The following ANGPT2 variants were observed in gnomAD, a reference collection of about 807,000 sequenced individuals.
ANGPT2 encodes angiopoietin-2.
Under a neutral mutation model 62.9 loss-of-function variants are expected in ANGPT2, and 28 were observed. That is an observed-to-expected ratio of 0.44 (90% confidence interval 0.33 to 0.61). The LOEUF (loss-of-function observed/expected upper bound fraction) is 0.61, where lower values mean the gene tolerates loss of function less well. Among genes scored for constraint, ANGPT2 ranks in the 20% least tolerant of loss-of-function variants. The pLI is 0.03. For synonymous variants in ANGPT2, 284 were observed against 207.8 expected (o/e 1.37, Z -3.15); for missense variants, 727 against 594.9 (o/e 1.22, Z -2.31).
chr8:6,514,906 G>T, intron 5 of ANGPT2, 128 bp from the exon 6 acceptor site: 2 of 682,066 alleles, frequency 2.9e-6, no homozygotes, highest in Non-Finnish European at 5.1e-6. Context: ...TATAAGGCAC[G>T]GAGTAGACCA....
At chr8:6,549,760 G>A (rs1823287318) in intron 1 of ANGPT2, among the ~76,000 whole-genome samples, 1 of 152,216 alleles carries the variant, frequency 6.6e-6, no homozygotes, top group South Asian at 2.1e-4. Flanking sequence ...CACGTGCAGG[G>A]CAGCAAGTCC....
chr8:6,527,922 A>G (rs1023922135), intron 2 of ANGPT2, among the ~76,000 whole-genome samples: 7 of 88,632 alleles, frequency 7.9e-5, no homozygotes, highest in Non-Finnish European at 1.6e-4. Flanking sequence ...TTGAGATGGA[A>G]TCTCGCTCCA....
intron 2 of ANGPT2, among the ~76,000 whole-genome samples, chr8:6,529,916 A>T (rs1249049323): frequency 6.6e-6 from 1 of 151,776 alleles, no homozygotes; most frequent in African/African-American, 2.4e-5. Flanking sequence ...CAACACAAGT[A>T]CATCAAATGC....
chr8:6,514,712 C>T lies in ANGPT2; in HGVS notation c.994G>A (p.Val332Ile), dbSNP rs7813215. The T allele has an allele frequency of 1.0e-3, 1,683 of 1,614,072 alleles. 15 individuals are homozygous for T. The African/African-American group carries it at 0.02, about 19-fold the overall frequency. Reference sequence around the variant, plus strand: ...TCTTTCCAAGTCCTCTGAAAATCAACGCTGCCATCCTCACGTCGCTGAATA... The same window carrying T: ...TCTTTCCAAGTCCTCTGAAAATCAATGCTGCCATCCTCACGTCGCTGAATA... Reference protein sequence around the residue: ...TIIQRREDGSVDFQRTWKEYK... With the variant: ...TIIQRREDGSIDFQRTWKEYK... Residue 332 changes from valine to isoleucine, a missense_variant, in exon 6 of 9, where the codon GTT (valine) becomes ATT (isoleucine). Transcript: ENST00000629816.
chr8:6,507,123 C>A (rs183070734), intron 8 of ANGPT2, among the ~76,000 whole-genome samples: 1 of 152,162 alleles, frequency 6.6e-6, no homozygotes, highest in Admixed American at 6.5e-5. Context: ...GTCTCAAACT[C>A]CTGACCTCAG....
intron 2 of ANGPT2, among the ~76,000 whole-genome samples, chr8:6,529,523 T>C (rs1019024364): frequency 6.6e-6 from 1 of 151,430 alleles, no homozygotes; most frequent in Non-Finnish European, 1.5e-5. Context: ...ACCATATCTG[T>C]TCACTACAGA....
chr8:6,562,964 G>T lies in ANGPT2; in HGVS notation c.-30C>A. On this transcript the variant is annotated 5_prime_UTR_variant, in exon 1 of 9. Coordinates refer to ENST00000629816, the MANE Select transcript of ANGPT2 (RefSeq NM_001118887.2). ...TCTTCAGTAATAAACCAGCAGCTTA[G>T]CAAACTTGAGGGCAAACACACGTCC... 6.4e-7 allele frequency: 1 copy of T among 1,553,852 alleles called. No homozygotes were observed.
intron 1 of ANGPT2, among the ~76,000 whole-genome samples, chr8:6,544,097 A>G (rs1341659344): frequency 2.0e-5 from 3 of 152,252 alleles, no homozygotes; most frequent in Admixed American, 6.5e-5. Context: ...GACAGAGAAT[A>G]GTATAACTTT....
chr8:6,520,555 C>A (rs568930491), intron 4 of ANGPT2, among the ~76,000 whole-genome samples: 1 of 152,158 alleles, frequency 6.6e-6, no homozygotes, highest in African/African-American at 2.4e-5. Flanking sequence ...ACCACCAAGC[C>A]CAGCTAATTT....
In ANGPT2 at chr8:6,518,904, C is replaced by T. The variant is rs75928385; in HGVS notation, c.927+960G>A. On this transcript the variant is annotated intron_variant, in intron 5 of 8. Coordinates refer to ENST00000629816, the MANE Select transcript of ANGPT2 (RefSeq NM_001118887.2). ...AGAGAAGCCACATTGAAATATTCTCCGGAAGGGTTTTTTTTTTTCCTTATC... is the reference window on the plus strand; with the variant it reads ...AGAGAAGCCACATTGAAATATTCTCTGGAAGGGTTTTTTTTTTTCCTTATC... 9.2e-3 allele frequency among the ~76,000 whole-genome samples: 1,406 copies of T among 152,116 alleles called. 26 individuals carry two copies. Among genetic ancestry groups the T allele is most frequent in the African/African-American group, 0.032 (1,331 of 41,482 alleles).
intron 1 of ANGPT2, among the ~76,000 whole-genome samples, chr8:6,559,889 C>G (rs1306693524): frequency 6.6e-6 from 1 of 152,196 alleles, no homozygotes; most frequent in Non-Finnish European, 1.5e-5. Flanking sequence ...TTAACTACTA[C>G]ACAGTGAGTA....
chr8:6,518,641 A>C (rs961394670), intron 5 of ANGPT2, among the ~76,000 whole-genome samples: 4 of 152,224 alleles, frequency 2.6e-5, no homozygotes, highest in Admixed American at 6.5e-5. Context: ...TGTTTTAAAT[A>C]CTTAGGATAA....
intron 1 of ANGPT2, among the ~76,000 whole-genome samples, chr8:6,546,197 C>A (rs1229636332): frequency 6.6e-6 from 1 of 152,232 alleles, no homozygotes; most frequent in East Asian, 1.9e-4. Context: ...AACTGTGTGC[C>A]AAGGCACCCT....
chr8:6,545,454 C>T (rs1283870205), intron 1 of ANGPT2, among the ~76,000 whole-genome samples: 6 of 152,138 alleles, frequency 3.9e-5, no homozygotes, highest in African/African-American at 1.4e-4. Flanking sequence ...TTTTATTTGT[C>T]TCTGCAGTTT....
chr8:6,519,620 C>G (rs2515437), intron 5 of ANGPT2, among the ~76,000 whole-genome samples: 10,917 of 152,232 alleles, frequency 0.072, 478 homozygotes, highest in African/African-American at 0.12. Flanking sequence ...GAATGTATTT[C>G]TTGCCGAAGA....
intron 8 of ANGPT2, among the ~76,000 whole-genome samples, chr8:6,505,818 T>C (rs1248120946): frequency 1.4e-5 from 2 of 139,430 alleles, no homozygotes; most frequent in African/African-American, 2.6e-5. Context: ...TCTTTATATA[T>C]GTATATATAA....
intron 1 of ANGPT2, among the ~76,000 whole-genome samples, chr8:6,547,093 G>T (rs1472927088): frequency 6.6e-6 from 1 of 151,940 alleles, no homozygotes; most frequent in Non-Finnish European, 1.5e-5. Context: ...TTTTGGAAGT[G>T]TAGATAGGTG....
chr8:6,528,574 G>T (rs192254578), intron 2 of ANGPT2, among the ~76,000 whole-genome samples: 444 of 152,358 alleles, frequency 2.9e-3, no homozygotes, highest in Middle Eastern at 6.8e-3. Flanking sequence ...GTGTGAAGCG[G>T]AGCCTCAGCC....
chr8:6,514,146 G>A (rs549706156), intron 6 of ANGPT2, among the ~76,000 whole-genome samples: 12 of 152,156 alleles, frequency 7.9e-5, no homozygotes, highest in Middle Eastern at 6.8e-3. Context: ...TTAAACAGTC[G>A]GCTTACCAAA....
Sources: allele counts gnomAD v4.1 joint callset (sites outside exome capture counted in the v4.1 genomes callset), GRCh38; gene constraint gnomAD v4.1.1; transcripts MANE v1.5; gene names NCBI Gene and HGNC (gene_info 2026-07-23, HGNC 2026-07-21).